Variants in ARHGAP15 observed in about 807,000 individuals in gnomAD.
ARHGAP15 encodes the protein Rho GTPase activating protein 15, also known as rho GTPase-activating protein 15.
In ARHGAP15, 51 loss-of-function variants were observed where a neutral mutation model predicts 63.7. The observed-to-expected ratio is 0.80, with a 90% confidence interval of 0.64 to 1.01. ARHGAP15 has a LOEUF of 1.01. ARHGAP15 is among the 50% of genes least tolerant of loss of function. The probability of loss-of-function intolerance (pLI) is 0.00; values close to 1 mark genes in which losing one functional copy is unlikely to be tolerated. For synonymous variants in ARHGAP15, 191 were observed against 193.8 expected (o/e 0.99, Z 0.12); for missense variants, 560 against 564.6 (o/e 0.99, Z 0.08).
chr2:143,757,010 T>G (rs1469458691), intron 13 of ARHGAP15, among the ~76,000 whole-genome samples: 1 of 152,156 alleles, frequency 6.6e-6, no homozygotes, highest in Non-Finnish European at 1.5e-5. Context: ...GTAATAAAGA[T>G]CTGCATCTTA....
intron 10 of ARHGAP15, among the ~76,000 whole-genome samples, chr2:143,542,073 A>G (rs1559039530): frequency 1.3e-5 from 2 of 152,306 alleles, no homozygotes; most frequent in South Asian, 2.1e-4. Flanking sequence ...AGCCTGAGCA[A>G]TTGCGGGCAC....
chr2:143,226,973 T>TA (rs1199348899), intron 4 of ARHGAP15, among the ~76,000 whole-genome samples: 1 of 152,218 alleles, frequency 6.6e-6, no homozygotes, highest in African/African-American at 2.4e-5. Flanking sequence ...AATAGTCATT[T>TA]AAAAAGTATT....
At chr2:143,464,848 T>C (rs1466545850) in intron 8 of ARHGAP15, among the ~76,000 whole-genome samples, 1 of 152,182 alleles carries the variant, frequency 6.6e-6, no homozygotes, top group Non-Finnish European at 1.5e-5. Flanking sequence ...CCCTTAAAGC[T>C]TTTTATTGGA....
chr2:143,655,005 G>T (rs1681361222), intron 12 of ARHGAP15, among the ~76,000 whole-genome samples: 1 of 152,152 alleles, frequency 6.6e-6, no homozygotes, highest in Non-Finnish European at 1.5e-5. Context: ...GCTGAGGTGG[G>T]AGGACTCCTT....
chr2:143,597,656 T>C (rs1365870991), intron 11 of ARHGAP15, among the ~76,000 whole-genome samples: 2 of 152,154 alleles, frequency 1.3e-5, no homozygotes, highest in Non-Finnish European at 2.9e-5. Context: ...GTTAAGTAAA[T>C]AGCATTTACT....
In ARHGAP15 at chr2:143,140,730, T is replaced by A. The variant is rs192521415; in HGVS notation, c.-15+11264T>A. ...TCCTTTGAGGAAACCAACTCAGGAT[T>A]CTATATATGTAGGTTGAATGAATAT... On this transcript the variant is annotated intron_variant, in intron 1 of 13. Coordinates refer to ENST00000295095, the MANE Select transcript of ARHGAP15 (RefSeq NM_018460.4). 9.2e-5 allele frequency among the ~76,000 whole-genome samples: 14 copies of A among 152,256 alleles called. No individual in the cohort carries two copies. The East Asian group carries it at 2.5e-3, about 27-fold the overall frequency.
chr2:143,658,268 C>T (rs1201702729), intron 12 of ARHGAP15, among the ~76,000 whole-genome samples: 3 of 152,118 alleles, frequency 2.0e-5, no homozygotes, highest in African/African-American at 7.2e-5. Flanking sequence ...CTTCATCGTA[C>T]CAATGTGAAG....
At chr2:143,253,845 C>T (rs1224946199) in intron 6 of ARHGAP15, among the ~76,000 whole-genome samples, 1 of 151,936 alleles carries the variant, frequency 6.6e-6, no homozygotes, top group Non-Finnish European at 1.5e-5. Flanking sequence ...AGAGTAAGCA[C>T]TTCCACACAC....
At chr2:143,575,945 C>G (rs537207722) in intron 11 of ARHGAP15, among the ~76,000 whole-genome samples, 2 of 152,150 alleles carry the variant, frequency 1.3e-5, no homozygotes, top group East Asian at 1.9e-4. Context: ...GTGGAATACT[C>G]AATTTAGCCT....
chr2:143,616,420 A>C (rs1698451006), intron 11 of ARHGAP15, among the ~76,000 whole-genome samples: 1 of 152,158 alleles, frequency 6.6e-6, no homozygotes. Context: ...TCCTTCCAAG[A>C]GAGTAACTAA....
intron 13 of ARHGAP15, among the ~76,000 whole-genome samples, chr2:143,732,883 A>G (rs1263187961): frequency 6.7e-6 from 1 of 149,190 alleles, no homozygotes; most frequent in Non-Finnish European, 1.5e-5. Flanking sequence ...TAATAAGGAA[A>G]CCCTCCTTCC....
At chr2:143,634,472 A>T (rs1680206036) in intron 12 of ARHGAP15, among the ~76,000 whole-genome samples, 1 of 152,154 alleles carries the variant, frequency 6.6e-6, no homozygotes, top group African/African-American at 2.4e-5. Flanking sequence ...CATGAAATGC[A>T]CTTATTTACA....
chr2:143,340,803 A>G (rs976440377), intron 6 of ARHGAP15, among the ~76,000 whole-genome samples: 2 of 152,110 alleles, frequency 1.3e-5, no homozygotes, highest in African/African-American at 4.8e-5. Context: ...GGTTGGTGGC[A>G]CACAATGGAA....
At chr2:143,472,254 A>G (rs1468520215) in intron 8 of ARHGAP15, among the ~76,000 whole-genome samples, 1 of 152,164 alleles carries the variant, frequency 6.6e-6, no homozygotes, top group Non-Finnish European at 1.5e-5. Flanking sequence ...ATTAAGGTGT[A>G]TAAAATAAAA....
Position 143,502,419 on chromosome 2 carries a change from AAAAC to A in ARHGAP15, c.826+14943_826+14946del, listed in dbSNP as rs201678936. 6.3e-3 allele frequency among the ~76,000 whole-genome samples: 960 copies of A among 152,146 alleles called. 5 individuals carry two copies. The highest frequency in any genetic ancestry group is 8.5e-3 in the Non-Finnish European group (576 of 67,984). The stretch of plus-strand genomic sequence containing the variant: ...AGTAAAACTCCCTCTCAAAAAAACA[AAAAC>A]AAACAAACAAACAAACAAGACTTTG... On this transcript the variant is annotated intron_variant, in intron 9 of 13. Transcript: ENST00000295095.
chr2:143,395,153 C>A (rs1474867852), intron 6 of ARHGAP15, among the ~76,000 whole-genome samples: 1 of 151,884 alleles, frequency 6.6e-6, no homozygotes, highest in Non-Finnish European at 1.5e-5. Context: ...ATTAAAGGAG[C>A]TTAAAATTTA....
chr2:143,744,624 A>C (rs1011320458), intron 13 of ARHGAP15, among the ~76,000 whole-genome samples: 2 of 152,246 alleles, frequency 1.3e-5, no homozygotes, highest in African/African-American at 2.4e-5. Flanking sequence ...AATACAGGGA[A>C]TCTACTGAAG....
At chr2:143,264,891 T>C (rs1187949577) in intron 6 of ARHGAP15, among the ~76,000 whole-genome samples, 2 of 152,126 alleles carry the variant, frequency 1.3e-5, no homozygotes, top group Admixed American at 6.6e-5. Context: ...AAGCACTAGC[T>C]CCATAGAGGC....
intron 12 of ARHGAP15, among the ~76,000 whole-genome samples, chr2:143,668,957 T>C (rs147858725): frequency 6.6e-6 from 1 of 152,350 alleles, no homozygotes; most frequent in East Asian, 1.9e-4. Flanking sequence ...AGAAATAGTC[T>C]TCTCTCTATA....
Sources: allele counts gnomAD v4.1 joint callset (sites outside exome capture counted in the v4.1 genomes callset), GRCh38; gene constraint gnomAD v4.1.1; transcripts MANE v1.5; gene names NCBI Gene and HGNC (gene_info 2026-07-23, HGNC 2026-07-21).